The following AASDH variants were observed in gnomAD, a reference collection of about 807,000 sequenced individuals.
The protein encoded by AASDH is beta-alanine-activating enzyme.
A neutral mutation model predicts 102.3 loss-of-function variants in AASDH; 81 were observed. The ratio of observed to expected loss-of-function variants is 0.79; its 90% CI spans 0.66 to 0.95. AASDH has a LOEUF of 0.95. Ranked by LOEUF, AASDH falls within the 40% of genes least tolerant of loss-of-function variation. AASDH has a pLI of 0.00. For synonymous variants in AASDH, 398 were observed against 454.0 expected (o/e 0.88, Z 1.57); for missense variants, 1,203 against 1,266.2 (o/e 0.95, Z 0.76).
At chr4:56,360,488 T>C (rs1011750804) in intron 5 of AASDH, among the ~76,000 whole-genome samples, 8 of 152,224 alleles carry the variant, frequency 5.3e-5, no homozygotes, top group Admixed American at 3.9e-4. Context: ...GTGGGGATGA[T>C]AGGAGCAGAC....
At chr4:56,363,302 G>A (rs957700550) in intron 5 of AASDH, among the ~76,000 whole-genome samples, 2 of 152,224 alleles carry the variant, frequency 1.3e-5, no homozygotes, top group African/African-American at 4.8e-5. Flanking sequence ...TGGGGGCAGG[G>A]CACAGACAAA....
At chr4:56,369,110 A>G (rs532042422) in intron 5 of AASDH, among the ~76,000 whole-genome samples, 24 of 152,300 alleles carry the variant, frequency 1.6e-4, no homozygotes, top group South Asian at 8.3e-4. Flanking sequence ...ACTATATGCA[A>G]TATTTGTCAT....
rs575027595 is a variant in AASDH, at chr4:56,354,328, T to A, written c.1211-117A>T. The A allele has an allele frequency of 6.0e-5, 50 of 831,284 alleles. No homozygotes were observed. The Admixed American group carries it at 8.4e-4, about 14-fold the overall frequency. The allele number at this position is 831,284 out of a possible 1,614,324, so 51.5% of individuals were successfully genotyped here. On this transcript the variant is annotated intron_variant, in intron 7 of 14. Transcript: ENST00000205214. ...ACTTCAAAATTTAAATATTAAAAGA[T>A]GGGCTCATTTTAAAATGTTATCTGA...
chr4:56,340,651 T>C (rs568333071), intron 14 of AASDH, among the ~76,000 whole-genome samples: 79 of 152,242 alleles, frequency 5.2e-4, no homozygotes, highest in Middle Eastern at 6.8e-3. Context: ...CTAAAAAGTA[T>C]AGGCAACAAA....
chr4:56,349,334 C>T lies in AASDH; in HGVS notation c.2417G>A (p.Trp806Ter), dbSNP rs149271822. Residue 806 changes from tryptophan to a stop codon, truncating the protein, a stop_gained, in exon 11 of 15, where the codon TGG (tryptophan) becomes TAG (stop). Transcript: ENST00000205214. LOFTEE classifies it high-confidence loss of function. ...AATTCGATCTCCCAAAATCTGTTCC[C>T]ATTTTACCTTCCCAGAGTAAAAGTC... is the stretch of plus-strand genomic sequence containing the variant. ...AVDFYSGKVK[W>*]EQILGDRIES... 22 of 1,614,076 alleles carry T rather than the reference C, an allele frequency of 1.4e-5. No homozygotes were observed. The highest frequency in any genetic ancestry group is 1.8e-5 in the Non-Finnish European group (21 of 1,180,044).
At chr4:56,365,347 C>T (rs1011305717) in intron 5 of AASDH, among the ~76,000 whole-genome samples, 2 of 151,934 alleles carry the variant, frequency 1.3e-5, no homozygotes, top group African/African-American at 4.8e-5. Context: ...AGGAATTGAA[C>T]TCAGCTCTGC....
rs1340134922 is a variant in AASDH at position 56,351,339 on chromosome 4, T to C, written c.1692+3A>G. 2.0e-6 allele frequency: 3 copies of C among 1,521,316 alleles called. No individual in the cohort carries two copies. The highest frequency in any genetic ancestry group is 2.3e-5 in the South Asian group (2 of 85,396). 94.2% of individuals were successfully genotyped at this position (1,521,316 alleles called of 1,614,324 possible). On this transcript the variant is annotated splice_donor_region_variant and intron_variant, in intron 10 of 14. Coordinates refer to ENST00000205214, the MANE Select transcript of AASDH (RefSeq NM_181806.4). ...TAATAATTTTATAACTTAAAAATTGTACCTTCCACAAATACTGTAATTTTT... is the reference window on the plus strand; with the variant it reads ...TAATAATTTTATAACTTAAAAATTGCACCTTCCACAAATACTGTAATTTTT...
rs926049676 is a variant in AASDH, at chr4:56,356,372, T to A, written c.862-949A>T. On this transcript the variant is annotated intron_variant, in intron 5 of 14. Coordinates refer to ENST00000205214, the MANE Select transcript of AASDH (RefSeq NM_181806.4). ...AGCGGCTGAAAGTGCCTCCTGCGAT[T>A]AACCAGTTCACCCAGGCCCTGGACC... is the stretch of plus-strand genomic sequence containing the variant. The A allele has an allele frequency of 6.9e-5, 109 of 1,588,542 alleles. 1 individual carries two copies. The highest frequency in any genetic ancestry group is 9.0e-5 in the Non-Finnish European group (105 of 1,167,934).
In AASDH at chr4:56,378,256, C is replaced by T. The variant is rs1388690891; in HGVS notation, c.560G>A (p.Arg187Lys). The change falls in exon 4 of 15, where the codon AGG (arginine) becomes AAG (lysine). Residue 187 changes from arginine (R) to lysine (K), a missense_variant. Arg to Lys is a conservative substitution (Grantham distance 26). Transcript: ENST00000205214. The part of the protein sequence containing the change: ...EEKAEEHMDL[R>K]LKHCLAYVLH... ...AACATAGGCTAAGCAATGCTTTAGC[C>T]TCAGATCCATGTGTTCTTCTGCTTT... 1 of 1,614,118 alleles carries T rather than the reference C, an allele frequency of 6.2e-7. No individual in the cohort carries two copies. The highest frequency in any genetic ancestry group is 1.7e-5 in the Admixed American group (1 of 60,032).
chr4:56,358,698 C>T (rs1749914922), intron 5 of AASDH, among the ~76,000 whole-genome samples: 1 of 151,948 alleles, frequency 6.6e-6, no homozygotes, highest in Admixed American at 6.6e-5. Flanking sequence ...TGGGATAAAT[C>T]CCACATGGTC....
At chr4:56,372,729 A>AT (rs1751885023) in intron 4 of AASDH, among the ~76,000 whole-genome samples, 1 of 152,220 alleles carries the variant, frequency 6.6e-6, no homozygotes, top group South Asian at 2.1e-4. Context: ...CCTCCCCATC[A>AT]TAAGGCTCAC....
At chr4:56,354,875 A>G (rs1213789235) in intron 6 of AASDH, 64 bp from the exon 7 acceptor site, 7 of 1,306,012 alleles carry the variant, frequency 5.4e-6, no homozygotes, top group Non-Finnish European at 7.5e-6. Context: ...TTTCCAATAT[A>G]TTTAAATCAT....
chr4:56,378,861 C>T (rs1317290450), intron 3 of AASDH, among the ~76,000 whole-genome samples: 1 of 145,444 alleles, frequency 6.9e-6, no homozygotes, highest in East Asian at 2.0e-4. Flanking sequence ...GGCTGGAGTG[C>T]AGTGGTATAA....
intron 13 of AASDH, 37 bp downstream of exon 13, chr4:56,343,525 A>G (rs767257170): frequency 5.3e-6 from 8 of 1,508,050 alleles, no homozygotes; most frequent in Non-Finnish European, 6.2e-6. Flanking sequence ...AATTTAAAGA[A>G]AAGTAATAAA....
chr4:56,351,356 G>GT lies in AASDH; in HGVS notation c.1677dup (p.Gln560ThrfsTer19). The stretch of plus-strand genomic sequence containing the variant: ...AAAAATTGTACCTTCCACAAATACT[G>GT]TAATTTTTCCCAAAGGTCCTCTTTC... On this transcript the variant is annotated frameshift_variant, in exon 10 of 15. Transcript: ENST00000205214. LOFTEE classifies it high-confidence loss of function. The GT allele has an allele frequency of 1.3e-6, 2 of 1,578,204 alleles. No individual in the cohort carries two copies. The highest frequency in any genetic ancestry group is 8.7e-7 in the Non-Finnish European group (1 of 1,151,882).
intron 9 of AASDH, 31 bp from the exon 10 acceptor site, chr4:56,351,488 T>A: frequency 1.6e-6 from 2 of 1,224,718 alleles, no homozygotes; most frequent in Non-Finnish European, 2.3e-6. Flanking sequence ...ACAAATGTTT[T>A]AAAACATTTT....
chr4:56,381,339 G>A (rs1422975587), intron 3 of AASDH, among the ~76,000 whole-genome samples: 1 of 152,074 alleles, frequency 6.6e-6, no homozygotes, highest in African/African-American at 2.4e-5. Flanking sequence ...GGGAGGTCGG[G>A]GCAGGCAGAA....
At chr4:56,382,684 A>AT in intron 2 of AASDH, 87 bp from the exon 3 acceptor site, 1 of 1,461,322 alleles carries the variant, frequency 6.8e-7, no homozygotes, top group Non-Finnish European at 9.2e-7. Context: ...CACTTTATTT[A>AT]TTTTTTGTAG....
intron 1 of AASDH, among the ~76,000 whole-genome samples, chr4:56,385,897 C>T (rs552949802): frequency 6.6e-6 from 1 of 151,754 alleles, no homozygotes; most frequent in African/African-American, 2.4e-5. Flanking sequence ...GCGGAGCCAC[C>T]GCGCCCGGCC....
Sources: allele counts gnomAD v4.1 joint callset (sites outside exome capture counted in the v4.1 genomes callset), GRCh38; gene constraint gnomAD v4.1.1; transcripts MANE v1.5; gene names NCBI Gene and HGNC (gene_info 2026-07-23, HGNC 2026-07-21).